KDM2A: variants seen among roughly 807,000 people sequenced by gnomAD.
KDM2A encodes the protein lysine-specific demethylase 2A.
A neutral mutation model predicts 137.3 loss-of-function variants in KDM2A; 3 were observed. The observed-to-expected ratio is 0.02, with a 90% CI of 0.01 to 0.06. The LOEUF (loss-of-function observed/expected upper bound fraction) is 0.06. Ranked by LOEUF, KDM2A falls within the 10% of genes least tolerant of loss-of-function variation. The probability of loss-of-function intolerance (pLI) is 1.00; values close to 1 mark genes in which losing one functional copy is unlikely to be tolerated. For missense variants in KDM2A, 738 were observed against 1,510.6 expected (o/e 0.49, Z 8.48); for synonymous variants, 512 against 541.5 (o/e 0.95, Z 0.76).
At chr11:67,155,733 C>T (rs1207220117) in intron 2 of KDM2A, among the ~76,000 whole-genome samples, 1 of 151,662 alleles carries the variant, frequency 6.6e-6, no homozygotes, top group Non-Finnish European at 1.5e-5. Context: ...TCTCCTGCCT[C>T]AGCCTCCTAA....
chr11:67,255,181 T>C lies in KDM2A; in HGVS notation c.*126T>C. Reference sequence around the variant, plus strand: ...CACTCCCTCTCTGCTCTCCTGTCCCTTGAGCCCTTCCTCTACAGGTGGGGC... The same window carrying C: ...CACTCCCTCTCTGCTCTCCTGTCCCCTGAGCCCTTCCTCTACAGGTGGGGC... On this transcript the variant is annotated 3_prime_UTR_variant, in exon 21 of 21. Coordinates refer to ENST00000529006, the MANE Select transcript of KDM2A (RefSeq NM_012308.3). 1.2e-6 allele frequency: 1 copy of C among 823,350 alleles called. No individual in the cohort carries two copies. Among genetic ancestry groups the C allele is most frequent in the South Asian group, 1.7e-5 (1 of 57,346 alleles). The allele number at this position is 823,350 out of a possible 1,614,324, so 51.0% of individuals were successfully genotyped here.
intron 5 of KDM2A, among the ~76,000 whole-genome samples, chr11:67,198,382 C>T (rs1857533154): frequency 6.6e-6 from 1 of 151,836 alleles, no homozygotes; most frequent in Admixed American, 6.6e-5. Flanking sequence ...CTGTAGCCGC[C>T]ATTTTTCCAA....
At chr11:67,212,356 C>A (rs1719618741) in intron 6 of KDM2A, among the ~76,000 whole-genome samples, 1 of 152,052 alleles carries the variant, frequency 6.6e-6, no homozygotes, top group Non-Finnish European at 1.5e-5. Flanking sequence ...CTTTTACATG[C>A]CTGTTATAGG....
chr11:67,176,793 C>CA (rs922472893), intron 2 of KDM2A, among the ~76,000 whole-genome samples: 8 of 151,080 alleles, frequency 5.3e-5, no homozygotes, highest in African/African-American at 1.5e-4. Context: ...GTATAAAAGG[C>CA]AAAAAAAATG....
At chr11:67,149,784 G>A (rs1324804971) in intron 2 of KDM2A, among the ~76,000 whole-genome samples, 1 of 148,164 alleles carries the variant, frequency 6.7e-6, no homozygotes, top group Non-Finnish European at 1.5e-5. Flanking sequence ...GCGATGATAC[G>A]ATCTCGGCTC....
intron 12 of KDM2A, among the ~76,000 whole-genome samples, chr11:67,237,575 G>A (rs1377801864): frequency 6.6e-6 from 1 of 151,970 alleles, no homozygotes; most frequent in Non-Finnish European, 1.5e-5. Flanking sequence ...AGGATTACAG[G>A]CATGAGCCAC....
chr11:67,188,473 C>T (rs1857262036), intron 5 of KDM2A, among the ~76,000 whole-genome samples: 2 of 147,084 alleles, frequency 1.4e-5, no homozygotes, highest in Admixed American at 6.8e-5. Flanking sequence ...CAGAGCAAGA[C>T]TCTGTCTCAA....
At position 67,254,280 on chromosome 11, in the gene KDM2A, C is replaced by T; in HGVS notation, c.3169C>T (p.Arg1057Cys). ...AGLDITDATL[R>C]LIIRHMPLLS... is the part of the protein sequence containing the mutation. ...CCTTGACATCACAGATGCCACGCTT[C>T]GCCTCATAATTCGCCACATGCCCCT... The change falls in exon 20 of 21, where the codon CGC (arginine) becomes TGC (cysteine). Residue 1057 changes from arginine to cysteine, a missense_variant. Coordinates refer to ENST00000529006, the MANE Select transcript of KDM2A (RefSeq NM_012308.3). This position sits in a 1 kb window ranked among gnomAD's most constrained non-coding sequence, Gnocchi z 4.7. 2 of 1,614,044 alleles carry T rather than the reference C, an allele frequency of 1.2e-6. No homozygotes were observed. Among genetic ancestry groups the T allele is most frequent in the Non-Finnish European group, 1.7e-6 (2 of 1,179,898 alleles).
In KDM2A at chr11:67,245,180, T is replaced by C; in HGVS notation, c.1564-9T>C. On this transcript the variant is annotated splice_polypyrimidine_tract_variant and intron_variant, in intron 13 of 20. Transcript: ENST00000529006. This position sits in a 1 kb window ranked among gnomAD's most constrained non-coding sequence, Gnocchi z 4.1. ...TGATATATTTGACCTCACTGCTTTC[T>C]CTTTCCAGCTTAAATTCCCCACTCG... 1 of 1,611,858 alleles carries C rather than the reference T, an allele frequency of 6.2e-7. No homozygotes were observed. The highest frequency in any genetic ancestry group is 8.5e-7 in the Non-Finnish European group (1 of 1,178,426).
At chr11:67,167,834 A>G (rs1856781364) in intron 2 of KDM2A, among the ~76,000 whole-genome samples, 1 of 152,208 alleles carries the variant, frequency 6.6e-6, no homozygotes, top group Non-Finnish European at 1.5e-5. Flanking sequence ...AAAGAAATGC[A>G]AGCTTTTCAG....
At chr11:67,240,921 AC>A (rs1409408239) in intron 12 of KDM2A, among the ~76,000 whole-genome samples, 2 of 151,626 alleles carry the variant, frequency 1.3e-5, no homozygotes, top group Non-Finnish European at 2.9e-5. Flanking sequence ...AACAGCTGCC[AC>A]CCCCCACACA....
At chr11:67,142,640 G>T (rs1002004247) in intron 2 of KDM2A, among the ~76,000 whole-genome samples, 24 of 151,410 alleles carry the variant, frequency 1.6e-4, no homozygotes, top group Non-Finnish European at 2.7e-4. Context: ...GGAAGCGGAG[G>T]TTGCAGTGAG....
chr11:67,243,176 C>A, intron 13 of KDM2A, 84 bp downstream of exon 13: 2 of 985,942 alleles, frequency 2.0e-6, no homozygotes, highest in Non-Finnish European at 3.2e-6. Flanking sequence ...ACAAGAACAA[C>A]TAGAGGCAGA....
intron 10 of KDM2A, among the ~76,000 whole-genome samples, chr11:67,226,860 C>CAT (rs1858562825): frequency 6.6e-6 from 1 of 152,064 alleles, no homozygotes. Flanking sequence ...GGTGTGGTGG[C>CAT]ATACACTTGT....
At chr11:67,146,352 TTTAC>T (rs748778202) in intron 2 of KDM2A, among the ~76,000 whole-genome samples, 11 of 152,076 alleles carry the variant, frequency 7.2e-5, no homozygotes, top group South Asian at 2.1e-4. Context: ...CGATTGTCTT[TTTAC>T]TTACTTTTTA....
At chr11:67,159,051 T>C (rs1314873095) in intron 2 of KDM2A, among the ~76,000 whole-genome samples, 2 of 152,228 alleles carry the variant, frequency 1.3e-5, no homozygotes, top group Non-Finnish European at 2.9e-5. Flanking sequence ...ATTTTTTTCA[T>C]GGATCATGCT....
At chr11:67,133,096 GTATT>G (rs753944944) in intron 2 of KDM2A, among the ~76,000 whole-genome samples, 3 of 151,966 alleles carry the variant, frequency 2.0e-5, no homozygotes, top group Admixed American at 6.6e-5. Flanking sequence ...GCTTTTATTC[GTATT>G]TATTTATTTA....
chr11:67,239,393 T>C (rs1300580075), intron 12 of KDM2A, among the ~76,000 whole-genome samples: 1 of 152,098 alleles, frequency 6.6e-6, no homozygotes, highest in Non-Finnish European at 1.5e-5. Flanking sequence ...CAGGCATCTG[T>C]TTTAGATGTA....
chr11:67,250,480 C>T lies in KDM2A; in HGVS notation c.2450C>T (p.Pro817Leu), dbSNP rs1266716996. The change falls in exon 17 of 21, where the codon CCC (proline) becomes CTC (leucine). Residue 817 changes from proline (P) to leucine (L), a missense_variant. Coordinates refer to ENST00000529006, the MANE Select transcript of KDM2A (RefSeq NM_012308.3). The surrounding 1 kb of genome is among the most constrained non-coding windows in gnomAD (Gnocchi z 7.1). ...GAGCTCCACGGGACATCCATTGTGC[C>T]CAAGCTGCAGGCCATCACGGCCTCC... ...TKELHGTSIV[P>L]KLQAITASSA... 1 of 1,614,072 alleles carries T rather than the reference C, an allele frequency of 6.2e-7. No individual in the cohort carries two copies.
Sources: allele counts gnomAD v4.1 joint callset (sites outside exome capture counted in the v4.1 genomes callset), GRCh38; gene constraint gnomAD v4.1.1; non-coding constraint Gnocchi (gnomAD v3.1); transcripts MANE v1.5; gene names NCBI Gene and HGNC (gene_info 2026-07-23, HGNC 2026-07-21).